CEP162: variants seen among roughly 807,000 people sequenced by gnomAD.
CEP162 encodes centrosomal protein 162.
A neutral mutation model predicts 169.2 loss-of-function variants in CEP162; 141 were observed. The observed-to-expected ratio is 0.83, with a 90% confidence interval of 0.73 to 0.96. CEP162 has a LOEUF of 0.96. Among genes scored for constraint, CEP162 ranks in the 40% least tolerant of loss-of-function variants. The pLI is 0.00. For missense variants in CEP162, 1,600 were observed against 1,587.2 expected (o/e 1.01, Z -0.14); for synonymous variants, 540 against 526.4 (o/e 1.03, Z -0.35).
chr6:84,157,773 C>T (rs1410177015), intron 21 of CEP162, among the ~76,000 whole-genome samples: 1 of 152,180 alleles, frequency 6.6e-6, no homozygotes, highest in Non-Finnish European at 1.5e-5. Context: ...GATAGTGCTT[C>T]TACACTCTAC....
intron 6 of CEP162, among the ~76,000 whole-genome samples, chr6:84,210,072 T>C (rs1459296683): frequency 6.6e-6 from 1 of 152,196 alleles, no homozygotes; most frequent in Non-Finnish European, 1.5e-5. Context: ...TCAGAGATAA[T>C]ATCTAGACTC....
intron 3 of CEP162, among the ~76,000 whole-genome samples, chr6:84,218,267 C>T (rs2099552305): frequency 6.6e-6 from 1 of 152,106 alleles, no homozygotes; most frequent in South Asian, 2.1e-4. Context: ...AGGGGCAGGC[C>T]ACATTTGCAG....
intron 17 of CEP162, among the ~76,000 whole-genome samples, chr6:84,170,392 A>G (rs2129216938): frequency 6.6e-6 from 1 of 151,226 alleles, no homozygotes; most frequent in East Asian, 1.9e-4. Flanking sequence ...AAAAAAAAAA[A>G]AAAAAAAAAA....
intron 9 of CEP162, among the ~76,000 whole-genome samples, chr6:84,197,747 G>T (rs1295727817): frequency 1.3e-5 from 2 of 151,632 alleles, no homozygotes; most frequent in Non-Finnish European, 2.9e-5. Context: ...AACCCAGGAG[G>T]TGGAGACTGC....
chr6:84,156,034 T>C (rs184956489), intron 21 of CEP162, among the ~76,000 whole-genome samples: 57 of 152,134 alleles, frequency 3.7e-4, no homozygotes, highest in Admixed American at 3.6e-3. Flanking sequence ...AATAGACACA[T>C]AGATCAATGG....
At position 84,201,655 on chromosome 6, in the gene CEP162, T is replaced by C. The variant is rs2099544564; in HGVS notation, c.718+82A>G. On this transcript the variant is annotated intron_variant, in intron 8 of 26. Transcript: ENST00000403245. The stretch of plus-strand genomic sequence containing the variant: ...AATATTTAAAAACAAACACAGATAG[T>C]GACTCATTCAGAATTACTGAGATGA... 1.2e-5 allele frequency: 8 copies of C among 678,874 alleles called. No homozygotes were observed. The South Asian group carries it at 1.5e-4, about 13-fold the overall frequency. The allele number at this position is 678,874 out of a possible 1,614,324, so 42.1% of individuals were successfully genotyped here. A position where few individuals can be genotyped will look rare whatever the true frequency, so the allele number is the denominator to read the frequency against.
chr6:84,145,154 G>A (rs1439729297), intron 25 of CEP162, among the ~76,000 whole-genome samples: 2 of 152,096 alleles, frequency 1.3e-5, no homozygotes, highest in African/African-American at 4.8e-5. Context: ...TTTCCTTATA[G>A]ATGAGTAAGA....
At chr6:84,140,614 C>A (rs142999946) in intron 25 of CEP162, among the ~76,000 whole-genome samples, 13 of 152,228 alleles carry the variant, frequency 8.5e-5, no homozygotes, top group Non-Finnish European at 1.9e-4. Flanking sequence ...AAGCCTTGAA[C>A]TCCTGGGCTT....
chr6:84,143,620 CAGA>C (rs2099517623), intron 25 of CEP162, among the ~76,000 whole-genome samples: 1 of 151,732 alleles, frequency 6.6e-6, no homozygotes, highest in Admixed American at 6.6e-5. Context: ...TAGAAGCTTG[CAGA>C]AGGAGAGAGA....
intron 18 of CEP162, 141 bp from the exon 19 acceptor site, chr6:84,163,411 C>T: frequency 3.2e-6 from 2 of 630,464 alleles, no homozygotes; most frequent in South Asian, 4.1e-5. Flanking sequence ...CTACCACCTG[C>T]CCCACCCCAG....
chr6:84,175,842 C>T (rs938948610), intron 13 of CEP162, among the ~76,000 whole-genome samples: 12 of 151,930 alleles, frequency 7.9e-5, no homozygotes, highest in Admixed American at 2.6e-4. Context: ...ATAAATTGCA[C>T]GGAGGATTTT....
chr6:84,204,476 C>A (rs2099545941), intron 6 of CEP162, among the ~76,000 whole-genome samples: 1 of 152,198 alleles, frequency 6.6e-6, no homozygotes, highest in Non-Finnish European at 1.5e-5. Context: ...TCCTGAATGA[C>A]TACTGGGTAA....
At chr6:84,159,676 T>C (rs1181269411) in intron 21 of CEP162, among the ~76,000 whole-genome samples, 1 of 147,646 alleles carries the variant, frequency 6.8e-6, no homozygotes, top group Non-Finnish European at 1.5e-5. Context: ...GTGATTCTCT[T>C]GCCTCACCCT....
At chr6:84,209,971 G>C (rs2099548809) in intron 6 of CEP162, among the ~76,000 whole-genome samples, 1 of 152,102 alleles carries the variant, frequency 6.6e-6, no homozygotes. Context: ...ACATGTCAGA[G>C]ATTTCAGGAA....
At chr6:84,150,967 T>C (rs1340320076) in intron 23 of CEP162, among the ~76,000 whole-genome samples, 1 of 152,128 alleles carries the variant, frequency 6.6e-6, no homozygotes, top group Admixed American at 6.6e-5. Context: ...AGGCTGTGTA[T>C]GATTAATCCT....
chr6:84,127,734 G>C (rs1391311032), intron 25 of CEP162, among the ~76,000 whole-genome samples: 1 of 152,116 alleles, frequency 6.6e-6, no homozygotes, highest in African/African-American at 2.4e-5. Context: ...TGATACACCT[G>C]TTCCTGGTAC....
At chr6:84,216,769 T>C (rs1477693304) in intron 3 of CEP162, among the ~76,000 whole-genome samples, 1 of 152,222 alleles carries the variant, frequency 6.6e-6, no homozygotes, top group Non-Finnish European at 1.5e-5. Context: ...TGTTTCAGTA[T>C]AATCCTGAGT....
At chr6:84,178,739 C>T (rs2099533443) in intron 13 of CEP162, among the ~76,000 whole-genome samples, 1 of 152,136 alleles carries the variant, frequency 6.6e-6, no homozygotes, top group Non-Finnish European at 1.5e-5. Flanking sequence ...ATACATGTTC[C>T]ATGTTGGTGT....
At chr6:84,160,280 A>G (rs950462562) in intron 21 of CEP162, among the ~76,000 whole-genome samples, 1 of 152,254 alleles carries the variant, frequency 6.6e-6, no homozygotes, top group Non-Finnish European at 1.5e-5. Context: ...CTTTATTTTA[A>G]TAAGCTTCAC....
Sources: allele counts gnomAD v4.1 joint callset (sites outside exome capture counted in the v4.1 genomes callset), GRCh38; gene constraint gnomAD v4.1.1; transcripts MANE v1.5; gene names NCBI Gene and HGNC (gene_info 2026-07-23, HGNC 2026-07-21).